Variants in ZNF473 observed in about 807,000 individuals in gnomAD.
ZNF473 encodes zinc finger protein 100 homolog.
ZNF473 carries 4 observed loss-of-function variants against 11.1 expected under a neutral mutation model. The observed-to-expected ratio is 0.36, with a 90% CI of 0.18 to 0.82. The LOEUF is 0.82. Among genes scored for constraint, ZNF473 ranks in the 40% least tolerant of loss-of-function variants. The probability of loss-of-function intolerance (pLI) is 0.49; values close to 1 mark genes in which losing one functional copy is unlikely to be tolerated. For missense variants in ZNF473, 854 were observed against 1,084.0 expected (o/e 0.79, Z 2.98); for synonymous variants, 404 against 390.4 (o/e 1.03, Z -0.41).
At chr19:50,029,347 C>T (rs924957291) in intron 1 of ZNF473, among the ~76,000 whole-genome samples, 2 of 152,178 alleles carry the variant, frequency 1.3e-5, no homozygotes, top group South Asian at 2.1e-4. Context: ...GGGGTTTCAC[C>T]GCGTTAGCCA....
chr19:50,046,959 A>G lies in ZNF473; in HGVS notation c.2516A>G (p.Glu839Gly). The G allele has an allele frequency of 6.2e-7, 1 of 1,614,180 alleles. No individual in the cohort carries two copies. Among genetic ancestry groups the G allele is most frequent in the South Asian group, 1.1e-5 (1 of 91,090 alleles). Reference sequence around the variant, plus strand: ...CAGCACCTGAGAGTTCACACCCAGGAGACACTTTATCAGTGTCAACGTTGC... The same window carrying G: ...CAGCACCTGAGAGTTCACACCCAGGGGACACTTTATCAGTGTCAACGTTGC... ...LNQHLRVHTQ[E>G]TLYQCQRCQK... The change falls in exon 5 of 5, where the codon GAG becomes GGG. Residue 839 changes from glutamate (E) to glycine (G), a missense_variant. Physicochemically the swap from Glu to Gly is moderately conservative, Grantham distance 98. Coordinates refer to ENST00000270617, the MANE Select transcript of ZNF473 (RefSeq NM_015428.4). The surrounding 1 kb of genome is among the most constrained non-coding windows in gnomAD (Gnocchi z 5.9).
chr19:50,046,796 C>G lies in ZNF473; in HGVS notation c.2353C>G (p.Pro785Ala). 6.2e-7 allele frequency: 1 copy of G among 1,614,216 alleles called. No individual in the cohort carries two copies. Among genetic ancestry groups the G allele is most frequent in the Non-Finnish European group, 8.5e-7 (1 of 1,180,028 alleles). Residue 785 changes from proline to alanine, a missense_variant, in exon 5 of 5, where the codon CCC (proline) becomes GCC (alanine). By Grantham distance (27) the Pro-to-Ala change is conservative. Around this residue, in one of 2 missense-constraint regions of ZNF473, gnomAD observed 186 missense variants for 293.8 expected, o/e 0.63. Coordinates refer to ENST00000270617, the MANE Select transcript of ZNF473 (RefSeq NM_015428.4). The surrounding 1 kb of genome is among the most constrained non-coding windows in gnomAD (Gnocchi z 5.9). ...CCGGAGAGTTCACACTGGGGAGAAG[C>G]CCTACAGATGTGGTGAATGTGGGAA... ...IHRRVHTGEK[P>A]YRCGECGKAF...
At chr19:50,041,119 G>A (rs867662212) in intron 3 of ZNF473, 6 of 152,368 alleles carry the variant, frequency 3.9e-5, no homozygotes, top group Middle Eastern at 3.4e-3. Context: ...GGGCCACCAT[G>A]TTCCTTCTGG....
At chr19:50,035,618 G>A (rs888252755) in intron 2 of ZNF473, among the ~76,000 whole-genome samples, 4 of 152,230 alleles carry the variant, frequency 2.6e-5, no homozygotes, top group Admixed American at 2.0e-4. Flanking sequence ...GGGCTGGCTC[G>A]TAGTAGGTGC....
rs1205229530 is a variant in ZNF473, at chr19:50,039,522, G to A, written c.136+235G>A. 6.6e-6 allele frequency among the ~76,000 whole-genome samples: 1 copy of A among 152,282 alleles called. No homozygotes were observed. Among genetic ancestry groups the A allele is most frequent in the Non-Finnish European group, 1.5e-5 (1 of 68,054 alleles). ...GCATCTAGCTGGTGGAACCAAGGGAGGCTGCCACACATCCTACAGTGCACA... is the reference window on the plus strand; with the variant it reads ...GCATCTAGCTGGTGGAACCAAGGGAAGCTGCCACACATCCTACAGTGCACA... On this transcript the variant is annotated intron_variant, in intron 3 of 4. Coordinates refer to ENST00000270617, the MANE Select transcript of ZNF473 (RefSeq NM_015428.4). This position sits in a 1 kb window ranked among gnomAD's most constrained non-coding sequence, Gnocchi z 4.8.
At chr19:50,043,752 G>A (rs1978917793) in intron 4 of ZNF473, among the ~76,000 whole-genome samples, 1 of 152,124 alleles carries the variant, frequency 6.6e-6, no homozygotes. Flanking sequence ...TATGGTAGAG[G>A]ATGGTCAGTG....
chr19:50,046,038 G>A lies in ZNF473; in HGVS notation c.1595G>A (p.Cys532Tyr). Residue 532 changes from cysteine to tyrosine, a missense_variant, in exon 5 of 5, where the codon TGC (cysteine) becomes TAC (tyrosine). This residue lies in a region of ZNF473 where 668 missense variants were observed against 790.2 expected (regional missense o/e 0.85). Coordinates refer to ENST00000270617, the MANE Select transcript of ZNF473 (RefSeq NM_015428.4). This position sits in a 1 kb window ranked among gnomAD's most constrained non-coding sequence, Gnocchi z 5.9. ...ERFICGSTLKCHESVHAREKQ... is the reference protein window; with the variant it reads ...ERFICGSTLKYHESVHAREKQ... Reference sequence around the variant, plus strand: ...TTCATTTGCGGCTCAACCCTGAAGTGCCACGAGAGTGTTCACGCCAGAGAA... The same window carrying A: ...TTCATTTGCGGCTCAACCCTGAAGTACCACGAGAGTGTTCACGCCAGAGAA... 6.2e-6 allele frequency: 10 copies of A among 1,614,220 alleles called. No homozygotes were observed. Among genetic ancestry groups the A allele is most frequent in the Non-Finnish European group, 8.5e-6 (10 of 1,180,046 alleles).
chr19:50,028,464 C>T (rs996716060), intron 1 of ZNF473, among the ~76,000 whole-genome samples: 3 of 151,858 alleles, frequency 2.0e-5, no homozygotes, highest in Non-Finnish European at 2.9e-5. Context: ...ACCTCAGTCT[C>T]CCAAGTAGTT....
chr19:50,038,911 AC>A (rs1978618042), intron 2 of ZNF473, among the ~76,000 whole-genome samples: 1 of 152,240 alleles, frequency 6.6e-6, no homozygotes, highest in East Asian at 1.9e-4. Flanking sequence ...GATCAGGCAG[AC>A]CTGGGTTCAG....
Position 50,046,496 on chromosome 19 carries a change from C to T in ZNF473, c.2053C>T (p.Gln685Ter), listed in dbSNP as rs1204656783. 1 of 1,614,180 alleles carries T rather than the reference C, an allele frequency of 6.2e-7. No individual in the cohort carries two copies. Among genetic ancestry groups the T allele is most frequent in the South Asian group, 1.1e-5 (1 of 91,078 alleles). The change falls in exon 5 of 5, where the codon CAG becomes TAG. Residue 685 changes from glutamine to a stop codon, truncating the protein, a stop_gained. Transcript: ENST00000270617. LOFTEE classifies it low-confidence loss of function (END_TRUNC). The surrounding 1 kb of genome is among the most constrained non-coding windows in gnomAD (Gnocchi z 5.9). ...KCSKCDRVFT[Q>*]RNYLVQHERT... is the part of the protein sequence containing the mutation. ...TAGTAAGTGTGACAGAGTCTTCACC[C>T]AGAGAAACTACCTTGTTCAGCATGA...
chr19:50,047,127 C>T lies in ZNF473; in HGVS notation c.*68C>T. ...CGGATGTTGAAAGTTGGAAACTATC[C>T]CATTGCAAGTTTCTCTCCAAATAAA... On this transcript the variant is annotated 3_prime_UTR_variant, in exon 5 of 5. Transcript: ENST00000270617. 1 of 1,316,304 alleles carries T rather than the reference C, an allele frequency of 7.6e-7. No homozygotes were observed. 81.5% of individuals were successfully genotyped at this position (1,316,304 alleles called of 1,614,324 possible). A position where few individuals can be genotyped will look rare whatever the true frequency, so the allele number is the denominator to read the frequency against.
At position 50,047,436 on chromosome 19, in the gene ZNF473, GC is replaced by G. The variant is rs2122868350; in HGVS notation, c.*379del. 1 of 198,852 alleles carries G rather than the reference GC, an allele frequency of 5.0e-6. No individual in the cohort carries two copies. Among genetic ancestry groups the G allele is most frequent in the African/African-American group, 2.3e-5 (1 of 43,404 alleles). 12.3% of individuals were successfully genotyped at this position (198,852 alleles called of 1,614,324 possible). On this transcript the variant is annotated 3_prime_UTR_variant, in exon 5 of 5. Coordinates refer to ENST00000270617, the MANE Select transcript of ZNF473 (RefSeq NM_015428.4). ...AAATGTGAAGCACTTAGAACTGATG[GC>G]CAGCACATGAGGGCTCACCAAGTGT... is the stretch of plus-strand genomic sequence containing the variant.
rs554202874 is a variant in ZNF473, at chr19:50,048,064, A to G, written c.*1005A>G. 1 of 152,308 alleles carries G rather than the reference A, an allele frequency of 6.6e-6. No individual in the cohort carries two copies. The highest frequency in any genetic ancestry group is 2.4e-5 in the African/African-American group (1 of 41,532). The allele number at this position is 152,308 out of a possible 1,614,324, so 9.4% of individuals were successfully genotyped here. ...GCTCGGGGGCGGGTAGTATCCATACACTATGCACTACTGCTCTGAAGCTTC... is the reference window on the plus strand; with the variant it reads ...GCTCGGGGGCGGGTAGTATCCATACGCTATGCACTACTGCTCTGAAGCTTC... On this transcript the variant is annotated 3_prime_UTR_variant, in exon 5 of 5. Transcript: ENST00000270617.
intron 3 of ZNF473, chr19:50,041,260 C>T (rs1412359893): frequency 6.5e-6 from 1 of 152,722 alleles, no homozygotes; most frequent in Non-Finnish European, 1.5e-5. Context: ...CTGTATCCCT[C>T]CTGGATGGTG....
At chr19:50,034,348 T>C (rs1229727559) in intron 2 of ZNF473, among the ~76,000 whole-genome samples, 2 of 152,260 alleles carry the variant, frequency 1.3e-5, no homozygotes, top group Non-Finnish European at 1.5e-5. Context: ...TCTCACCTTC[T>C]GTCTTTTCCC....
rs1979066097 is a variant in ZNF473, at chr19:50,045,709, G to T, written c.1266G>T (p.Gln422His). ...ATAACTCTACCCTAAAGATCCATCA[G>T]AGGGTTCACAGTGGAGAGAAGCCTT... ...FRHNSTLKIH[Q>H]RVHSGEKPYK... Residue 422 changes from glutamine (Q) to histidine (H), a missense_variant, in exon 5 of 5, where the codon CAG (glutamine) becomes CAT (histidine). Gln to His is a conservative substitution (Grantham distance 24). Coordinates refer to ENST00000270617, the MANE Select transcript of ZNF473 (RefSeq NM_015428.4). 6.2e-7 allele frequency: 1 copy of T among 1,614,012 alleles called. No homozygotes were observed. Among genetic ancestry groups the T allele is most frequent in the Admixed American group, 1.7e-5 (1 of 59,984 alleles).
chr19:50,031,148 C>T (rs2122803406), intron 2 of ZNF473, 57 bp downstream of exon 2: 1 of 1,554,654 alleles, frequency 6.4e-7, no homozygotes, highest in Non-Finnish European at 8.7e-7. Context: ...AAAAATTGGC[C>T]TTCCTTTGTG....
At chr19:50,041,413 G>A in intron 3 of ZNF473, 1 of 194,598 alleles carries the variant, frequency 5.1e-6, no homozygotes, top group Non-Finnish European at 1.1e-5. Context: ...ATCATGAATG[G>A]CTAAGGAAGT....
chr19:50,027,337 T>G (rs1479549043), intron 1 of ZNF473, among the ~76,000 whole-genome samples: 1 of 152,104 alleles, frequency 6.6e-6, no homozygotes, highest in Non-Finnish European at 1.5e-5. Flanking sequence ...TTTGGAGCAT[T>G]TAAAGGACCA....
Sources: allele counts gnomAD v4.1 joint callset (sites outside exome capture counted in the v4.1 genomes callset), GRCh38; gene constraint gnomAD v4.1.1; regional missense constraint gnomAD v4.1.1; non-coding constraint Gnocchi (gnomAD v3.1); transcripts MANE v1.5; gene names NCBI Gene and HGNC (gene_info 2026-07-23, HGNC 2026-07-21).